Variants in CRYBG1 observed in about 807,000 individuals in gnomAD.
CRYBG1 encodes the protein beta/gamma crystallin domain-containing protein 1.
Under a neutral mutation model 189.2 loss-of-function variants are expected in CRYBG1, and 139 were observed. That is an observed-to-expected ratio of 0.73 (90% confidence interval 0.64 to 0.85). CRYBG1 has a LOEUF of 0.85. Ranked by LOEUF, CRYBG1 falls within the 40% of genes least tolerant of loss-of-function variation. The pLI is 0.00. For synonymous variants in CRYBG1, 1,023 were observed against 1,017.1 expected, an observed-to-expected ratio of 1.01 and a Z score of -0.11; for missense variants, 2,611 against 2,675.8, an observed-to-expected ratio of 0.98 and a Z score of 0.53.
Position 106,472,674 on chromosome 6 carries a change from T to G in CRYBG1, c.312+20842T>G, listed in dbSNP as rs540902885. ...CTTTGGAAGGCCAAGGCGGGCAGAT[T>G]GCTTGAGTCCAGGAGTTTGAAACCA... On this transcript the variant is annotated intron_variant, in intron 2 of 21. Coordinates refer to ENST00000633556, the MANE Select transcript of CRYBG1 (RefSeq NM_001371242.2). Among the ~76,000 whole-genome samples, 3 of 152,012 alleles carry G rather than the reference T, an allele frequency of 2.0e-5. No individual in the cohort carries two copies. In the South Asian group the frequency reaches 6.2e-4, roughly 32 times the overall value.
chr6:106,481,690 G>A (rs539720932), intron 2 of CRYBG1, among the ~76,000 whole-genome samples: 1 of 152,282 alleles, frequency 6.6e-6, no homozygotes, highest in South Asian at 2.1e-4. Context: ...CCTGGCAGGA[G>A]ATAAGAAAAA....
chr6:106,457,548 A>T (rs1239209679), intron 2 of CRYBG1, among the ~76,000 whole-genome samples: 4 of 152,206 alleles, frequency 2.6e-5, no homozygotes, highest in Non-Finnish European at 5.9e-5. Context: ...ATAGTGACTT[A>T]CTTAAAGGAC....
At position 106,512,396 on chromosome 6, in the gene CRYBG1, TCCACCGACTCCCC is replaced by T. The variant is rs1773294335; in HGVS notation, c.1281_1293del (p.Thr428AlafsTer36). 1 of 1,609,280 alleles carries T rather than the reference TCCACCGACTCCCC, an allele frequency of 6.2e-7. No individual in the cohort carries two copies. Among genetic ancestry groups the T allele is most frequent in the East Asian group, 2.2e-5 (1 of 44,686 alleles). ...GGGGAGGCGGAGGGGGTCGCAGAAA[TCCACCGACTCCCC>T]CGGCGCGGACGCCGAGCTCCCTGAG... On this transcript the variant is annotated frameshift_variant, in exon 3 of 22. Coordinates refer to ENST00000633556, the MANE Select transcript of CRYBG1 (RefSeq NM_001371242.2). LOFTEE classifies it high-confidence loss of function.
At chr6:106,490,398 A>G (rs1478590295) in intron 2 of CRYBG1, among the ~76,000 whole-genome samples, 1 of 152,234 alleles carries the variant, frequency 6.6e-6, no homozygotes, top group African/African-American at 2.4e-5. Context: ...AGAGGAACTA[A>G]TCGAAACCTA....
At chr6:106,503,430 G>T (rs1156516707) in intron 2 of CRYBG1, among the ~76,000 whole-genome samples, 1 of 152,202 alleles carries the variant, frequency 6.6e-6, no homozygotes, top group Non-Finnish European at 1.5e-5. Context: ...AAGCATGTAA[G>T]CCATGCCTTC....
intron 1 of CRYBG1, among the ~76,000 whole-genome samples, chr6:106,403,252 AC>A (rs1173027395): frequency 6.6e-6 from 1 of 152,162 alleles, no homozygotes; most frequent in Non-Finnish European, 1.5e-5. Context: ...TGGGAGGATT[AC>A]TTGAGCCCAA....
rs1034072094 is a variant in CRYBG1 at position 106,360,892 on chromosome 6, G to T, written c.-17G>T. 3 of 1,520,568 alleles carry T rather than the reference G, an allele frequency of 2.0e-6. No individual in the cohort carries two copies. Among genetic ancestry groups the T allele is most frequent in the African/African-American group, 2.8e-5 (2 of 71,914 alleles). The allele number at this position is 1,520,568 out of a possible 1,614,324, so 94.2% of individuals were successfully genotyped here. The stretch of plus-strand genomic sequence containing the variant: ...AGGACCGCGTCCCGGCAGTCGGAGC[G>T]GGAGGAGGACAAGACGATGCCGCTG... On this transcript the variant is annotated 5_prime_UTR_variant, in exon 1 of 22. Transcript: ENST00000633556.
chr6:106,361,861 T>C (rs1771874316), intron 1 of CRYBG1, among the ~76,000 whole-genome samples: 1 of 152,106 alleles, frequency 6.6e-6, no homozygotes, highest in Admixed American at 6.6e-5. Flanking sequence ...ATTGACAATG[T>C]CCAGTAAATC....
intron 6 of CRYBG1, among the ~76,000 whole-genome samples, chr6:106,526,840 C>G (rs373478548): frequency 6.0e-4 from 90 of 150,210 alleles, no homozygotes; most frequent in Middle Eastern, 7.0e-3. Context: ...ACTAGGGCAG[C>G]TGAGGCAGGA....
intron 1 of CRYBG1, among the ~76,000 whole-genome samples, chr6:106,406,644 C>A (rs914081674): frequency 2.0e-5 from 3 of 149,684 alleles, no homozygotes; most frequent in Non-Finnish European, 4.5e-5. Context: ...AGAGAAAGGT[C>A]GGGTTACCAA....
chr6:106,503,189 C>T (rs1773046015), intron 2 of CRYBG1, among the ~76,000 whole-genome samples: 1 of 152,186 alleles, frequency 6.6e-6, no homozygotes, highest in African/African-American at 2.4e-5. Context: ...ATCAGGGCCT[C>T]CCACTGGCTG....
At chr6:106,480,514 A>G (rs1259983434) in intron 2 of CRYBG1, among the ~76,000 whole-genome samples, 1 of 151,820 alleles carries the variant, frequency 6.6e-6, no homozygotes, top group Non-Finnish European at 1.5e-5. Flanking sequence ...AAAAAAAAAA[A>G]AATTTAGCCA....
At position 106,519,939 on chromosome 6, in the gene CRYBG1, T is replaced by C. The variant is rs1363182256; in HGVS notation, c.2731T>C (p.Cys911Arg). 3 of 1,614,044 alleles carry C rather than the reference T, an allele frequency of 1.9e-6. No individual in the cohort carries two copies. The African/African-American group carries it at 4.0e-5, about 22-fold the overall frequency. The change falls in exon 4 of 22, where the codon TGT becomes CGT. Residue 911 changes from cysteine to arginine, a missense_variant. By Grantham distance (180) the Cys-to-Arg change is radical (BLOSUM62 -3). Coordinates refer to ENST00000633556, the MANE Select transcript of CRYBG1 (RefSeq NM_001371242.2). Reference sequence around the variant, plus strand: ...AAAAGTGTCAGAAAACCATAAAGGATGTGTTTTGCCTGTGTCTCGTCAGAA... The same window carrying C: ...AAAAGTGTCAGAAAACCATAAAGGACGTGTTTTGCCTGTGTCTCGTCAGAA... ...DLKVSENHKG[C>R]VLPVSRQNNE...
At chr6:106,539,037 T>C (rs1222904381) in intron 8 of CRYBG1, among the ~76,000 whole-genome samples, 1 of 152,208 alleles carries the variant, frequency 6.6e-6, no homozygotes, top group Non-Finnish European at 1.5e-5. Context: ...CCTCATAGCA[T>C]GGTTGTGAGG....
intron 1 of CRYBG1, among the ~76,000 whole-genome samples, chr6:106,381,914 G>A (rs1770297243): frequency 6.6e-6 from 1 of 152,170 alleles, no homozygotes; most frequent in African/African-American, 2.4e-5. Context: ...TCTAGTTACA[G>A]GGGTACAGCC....
chr6:106,557,317 C>T (rs530924095), intron 17 of CRYBG1, among the ~76,000 whole-genome samples: 1 of 152,248 alleles, frequency 6.6e-6, no homozygotes, highest in African/African-American at 2.4e-5. Context: ...CCAGTCAGGA[C>T]ACATCCACAT....
intron 11 of CRYBG1, among the ~76,000 whole-genome samples, chr6:106,543,967 G>A (rs979452278): frequency 6.6e-6 from 1 of 152,206 alleles, no homozygotes; most frequent in Non-Finnish European, 1.5e-5. Context: ...CAGGAGAATC[G>A]CTTGAACTCA....
Position 106,512,885 on chromosome 6 carries a change from C to G in CRYBG1, c.1768C>G (p.Pro590Ala), listed in dbSNP as rs376085729. ...GATCAAGCCCGAGCACAAGAGGGGC[C>G]CGCTCCCCAACCACTTCAACGGCCG... ...PEIKPEHKRG[P>A]LPNHFNGRAE... The change falls in exon 3 of 22, where the codon CCG (proline) becomes GCG (alanine). Residue 590 changes from proline (P) to alanine (A), a missense_variant. Pro to Ala is a conservative substitution (Grantham distance 27). Transcript: ENST00000633556. The G allele has an allele frequency of 1.3e-6, 2 of 1,598,012 alleles. No homozygotes were observed. The highest frequency in any genetic ancestry group is 1.7e-5 in the Admixed American group (1 of 57,936).
intron 2 of CRYBG1, among the ~76,000 whole-genome samples, chr6:106,462,910 T>C (rs1002383368): frequency 2.0e-5 from 3 of 152,206 alleles, no homozygotes; most frequent in African/African-American, 7.2e-5. Context: ...TCCCAGCAGT[T>C]TGGGAAACCA....
Sources: allele counts gnomAD v4.1 joint callset (sites outside exome capture counted in the v4.1 genomes callset), GRCh38; gene constraint gnomAD v4.1.1; transcripts MANE v1.5; gene names NCBI Gene and HGNC (gene_info 2026-07-23, HGNC 2026-07-21).